Variants in KCNAB2 observed in about 807,000 individuals in gnomAD.
The protein encoded by KCNAB2 is potassium voltage-gated channel subfamily A regulatory beta subunit 2.
Under a neutral mutation model 63.6 loss-of-function variants are expected in KCNAB2, and 29 were observed. The observed-to-expected ratio is 0.46, with a 90% confidence interval of 0.34 to 0.62. The LOEUF (loss-of-function observed/expected upper bound fraction) is 0.62, where lower values mean the gene tolerates loss of function less well. Among genes scored for constraint, KCNAB2 ranks in the 20% least tolerant of loss-of-function variants. The pLI, the probability that KCNAB2 is intolerant of heterozygous loss-of-function variation, is 0.01. For synonymous variants in KCNAB2, 222 were observed against 224.2 expected, an observed-to-expected ratio of 0.99 and a Z score of 0.09; for missense variants, 359 against 563.9, an observed-to-expected ratio of 0.64 and a Z score of 3.68.
chr1:5,998,784 A>G (rs1657076782), intron 1 of KCNAB2, among the ~76,000 whole-genome samples: 2 of 152,200 alleles, frequency 1.3e-5, no homozygotes, highest in South Asian at 4.1e-4. Context: ...GCTTCCAAGC[A>G]CTCGCCAACC....
chr1:6,075,760 A>G (rs967472246), intron 4 of KCNAB2, among the ~76,000 whole-genome samples: 31 of 152,186 alleles, frequency 2.0e-4, no homozygotes, highest in African/African-American at 7.0e-4. Context: ...TGCCATTTTA[A>G]CCATTTTTAA....
At chr1:6,010,014 G>A (rs1658063825) in intron 1 of KCNAB2, among the ~76,000 whole-genome samples, 1 of 151,930 alleles carries the variant, frequency 6.6e-6, no homozygotes, top group Non-Finnish European at 1.5e-5. Flanking sequence ...GGGATTACAG[G>A]CACACATCAC....
At chr1:6,053,444 G>A (rs1292140288) in intron 2 of KCNAB2, among the ~76,000 whole-genome samples, 4 of 152,284 alleles carry the variant, frequency 2.6e-5, no homozygotes, top group South Asian at 2.1e-4. Flanking sequence ...ACCACTGGCC[G>A]AGGCAGCAAA....
Position 6,028,784 on chromosome 1 carries a change from A to G in KCNAB2, c.-52-11733A>G, listed in dbSNP as rs1004675612. ...CCGCCTCCTGGTGGCCACTGTCCCC[A>G]TCGTATTAGAGTTGGCCTTTTGAAA... On this transcript the variant is annotated intron_variant, in intron 1 of 16. Transcript: ENST00000341524. This position sits in a 1 kb window ranked among gnomAD's most constrained non-coding sequence, Gnocchi z 4.0. Among the ~76,000 whole-genome samples the G allele has an allele frequency of 2.6e-5, 4 of 152,296 alleles. No homozygotes were observed. Among genetic ancestry groups the G allele is most frequent in the Non-Finnish European group, 4.4e-5 (3 of 68,016 alleles).
intron 15 of KCNAB2, chr1:6,098,107 G>T: frequency 1.0e-6 from 1 of 994,644 alleles, no homozygotes; most frequent in Non-Finnish European, 1.2e-6. Context: ...GTCGGTCCCC[G>T]GGTGTGTCAC....
At position 5,994,356 on chromosome 1, in the gene KCNAB2, G is replaced by C. The variant is rs947837209; in HGVS notation, c.-53+1568G>C. 5.3e-5 allele frequency among the ~76,000 whole-genome samples: 8 copies of C among 152,350 alleles called. 1 individual carries two copies. Among genetic ancestry groups the C allele is most frequent in the Admixed American group, 4.6e-4 (7 of 15,308 alleles). The stretch of plus-strand genomic sequence containing the variant: ...CGTGTCTGCTGCAGAGCCCTGTGCA[G>C]CTCCTGGCCCTGTGCTCTCGCAGTG... On this transcript the variant is annotated intron_variant, in intron 1 of 16. Coordinates refer to the KCNAB2 transcript ENST00000341524. The surrounding 1 kb of genome is among the most constrained non-coding windows in gnomAD (Gnocchi z 5.4).
chr1:6,052,427 CA>C (rs55970222), intron 2 of KCNAB2, among the ~76,000 whole-genome samples: 31,525 of 124,338 alleles, frequency 0.25, 3,618 homozygotes, highest in African/African-American at 0.37. Context: ...CTCCATTGCG[CA>C]AAAAAAAAAA....
At chr1:6,065,249 G>A (rs560322235) in intron 2 of KCNAB2, among the ~76,000 whole-genome samples, 159 of 152,344 alleles carry the variant, frequency 1.0e-3, no homozygotes, top group Middle Eastern at 3.4e-3. Flanking sequence ...TGGCTGCAGC[G>A]CCTGCCCAGG....
intron 1 of KCNAB2, among the ~76,000 whole-genome samples, chr1:6,008,457 C>T (rs1021421847): frequency 2.0e-5 from 3 of 152,110 alleles, no homozygotes; most frequent in Non-Finnish European, 2.9e-5. Context: ...CCCGTCTCTA[C>T]TAAAAATACA....
upstream of KCNAB2, among the ~76,000 whole-genome samples, chr1:6,045,331 C>T (rs557064499): frequency 2.6e-5 from 4 of 152,072 alleles, no homozygotes; most frequent in Non-Finnish European, 5.9e-5. This position sits in a 1 kb window ranked among gnomAD's most constrained non-coding sequence, Gnocchi z 4.8. Flanking sequence ...ACGCAGTGAC[C>T]CTGGGGGTCA....
At chr1:6,095,481 C>T (rs1350358250) in intron 12 of KCNAB2, 38 bp downstream of exon 12, 2 of 1,611,418 alleles carry the variant, frequency 1.2e-6, no homozygotes, top group Non-Finnish European at 8.5e-7. Flanking sequence ...CCCCACCCCA[C>T]CCCTGCTCTC....
rs369425812 is a variant in KCNAB2, at chr1:6,088,988, G to T, written c.471-20G>T. ...GCCAAAACCGCTGGTGACATCACAC[G>T]CGGTCGGCCTGTTTTCCAGGGCGGA... On this transcript the variant is annotated intron_variant, in intron 7 of 15. Coordinates refer to ENST00000378083, the MANE Select transcript of KCNAB2 (RefSeq NM_001199862.2). 4 of 1,548,510 alleles carry T rather than the reference G, an allele frequency of 2.6e-6. No individual in the cohort carries two copies. The South Asian group carries it at 4.8e-5, about 18-fold the overall frequency.
At chr1:6,000,881 C>T (rs1657216644) in intron 1 of KCNAB2, among the ~76,000 whole-genome samples, 1 of 152,120 alleles carries the variant, frequency 6.6e-6, no homozygotes, top group South Asian at 2.1e-4. Flanking sequence ...GCCCTCAGGG[C>T]CAACATCAGA....
chr1:6,050,170 G>T (rs190077612), intron 1 of KCNAB2, among the ~76,000 whole-genome samples: 38 of 152,296 alleles, frequency 2.5e-4, no homozygotes, highest in African/African-American at 7.5e-4. Flanking sequence ...AGGGATAATC[G>T]AACTTTTCCT....
Position 6,100,210 on chromosome 1 carries a change from G to T in KCNAB2, c.*1636G>T, listed in dbSNP as rs1203432522. 6.1e-6 allele frequency: 6 copies of T among 976,508 alleles called. No homozygotes were observed. The Admixed American group carries it at 1.7e-4, about 28-fold the overall frequency. The allele number at this position is 976,508 out of a possible 1,614,324, so 60.5% of individuals were successfully genotyped here. On this transcript the variant is annotated 3_prime_UTR_variant, in exon 16 of 16. Coordinates refer to ENST00000378083, the MANE Select transcript of KCNAB2 (RefSeq NM_001199862.2). ...AAAGTCAGAAAGGCCAGCGGGGAGA[G>T]GCTGGGGCGAGGGGAGGAGGGGGAT...
At chr1:6,053,194 G>T (rs942600260) in intron 2 of KCNAB2, among the ~76,000 whole-genome samples, 1 of 152,134 alleles carries the variant, frequency 6.6e-6, no homozygotes, top group Non-Finnish European at 1.5e-5. Context: ...TGACCTCCTT[G>T]TTCTGCTGGA....
chr1:6,097,086 C>T (rs532342193), intron 14 of KCNAB2, among the ~76,000 whole-genome samples, 183 bp from the exon 15 acceptor site: 3 of 152,264 alleles, frequency 2.0e-5, no homozygotes, highest in East Asian at 1.9e-4. Context: ...GCAGCGGGCT[C>T]CCCCATGCCT....
At chr1:6,032,017 T>A (rs1303123439), upstream of KCNAB2, among the ~76,000 whole-genome samples, 1 of 152,136 alleles carries the variant, frequency 6.6e-6, no homozygotes, top group African/African-American at 2.4e-5. Context: ...CTTCCATCAG[T>A]CCCTGAAAGA....
upstream of KCNAB2, among the ~76,000 whole-genome samples, chr1:6,030,862 A>T (rs927820672): frequency 6.9e-6 from 1 of 145,972 alleles, no homozygotes; most frequent in Non-Finnish European, 1.5e-5. Flanking sequence ...GTGTGTATGT[A>T]TGTGTAGGTG....
Sources: gnomAD v4.1 joint callset for allele counts (sites outside exome capture counted in the v4.1 genomes callset) on GRCh38, gnomAD v4.1.1 for gene constraint, Gnocchi (gnomAD v3.1) non-coding constraint, MANE v1.5 for transcripts, NCBI Gene and HGNC (gene_info 2026-07-23, HGNC 2026-07-21) for gene names.